SMAD3: variants seen among roughly 807,000 people sequenced by gnomAD.
The protein encoded by SMAD3 is MAD homolog 3.
In SMAD3, 12 loss-of-function variants were observed where a neutral mutation model predicts 51.8. That is an observed-to-expected ratio of 0.23 (90% CI 0.15 to 0.38). The LOEUF (loss-of-function observed/expected upper bound fraction) is 0.38. Ranked by LOEUF, SMAD3 falls within the 10% of genes least tolerant of loss-of-function variation. SMAD3 has a pLI of 1.00. For synonymous variants in SMAD3, 238 were observed against 227.7 expected (o/e 1.05, Z -0.41); for missense variants, 294 against 565.6 (o/e 0.52, Z 4.87).
chr15:67,092,683 G>A (rs1253815600), intron 1 of SMAD3, among the ~76,000 whole-genome samples: 1 of 152,204 alleles, frequency 6.6e-6, no homozygotes, highest in Non-Finnish European at 1.5e-5. Flanking sequence ...GTTTGTCCAG[G>A]GGAATGTGGT....
chr15:67,083,129 G>A (rs1042311433), intron 1 of SMAD3, among the ~76,000 whole-genome samples: 2 of 152,188 alleles, frequency 1.3e-5, no homozygotes, highest in South Asian at 2.1e-4. Flanking sequence ...CAGGTGAGCC[G>A]GGGCATGAAA....
At chr15:67,178,172 G>T (rs1009224971) in intron 5 of SMAD3, among the ~76,000 whole-genome samples, 1 of 152,186 alleles carries the variant, frequency 6.6e-6, no homozygotes, top group African/African-American at 2.4e-5. Context: ...AGGGCCTCTC[G>T]GCCTATGACC....
chr15:67,161,155 G>A (rs1268415329), intron 1 of SMAD3, among the ~76,000 whole-genome samples: 1 of 152,106 alleles, frequency 6.6e-6, no homozygotes, highest in Non-Finnish European at 1.5e-5. Context: ...TACATATCCA[G>A]TTGTTACATC....
At chr15:67,123,526 A>G (rs550281648) in intron 1 of SMAD3, among the ~76,000 whole-genome samples, 2 of 152,290 alleles carry the variant, frequency 1.3e-5, no homozygotes, top group South Asian at 4.1e-4. Flanking sequence ...GAATTCTAAC[A>G]TGTTTGAGAT....
chr15:67,149,898 C>G (rs936322096), intron 1 of SMAD3, among the ~76,000 whole-genome samples: 51 of 152,224 alleles, frequency 3.4e-4, no homozygotes, highest in African/African-American at 1.1e-3. Flanking sequence ...AAAGGTACCT[C>G]TTTACCTCCA....
rs1432832925 is a variant in SMAD3 at position 67,190,683 on chromosome 15, GA to G, written c.*150del. 1.2e-5 allele frequency: 10 copies of G among 801,290 alleles called. No individual in the cohort carries two copies. The highest frequency in any genetic ancestry group is 1.2e-5 in the Non-Finnish European group (6 of 492,608). 49.6% of individuals were successfully genotyped at this position (801,290 alleles called of 1,614,324 possible). ...GAAGGGGTGCACCCACCTGTTTTCT[GA>G]AACACACGAGCAAACCCAGAGGTGG... is the stretch of plus-strand genomic sequence containing the variant. On this transcript the variant is annotated 3_prime_UTR_variant, in exon 9 of 9. Transcript: ENST00000327367.
rs536760251 is a variant in SMAD3, at chr15:67,162,310, A to G, written c.207-2585A>G. ...GAAAGCTTGCAAATGTCTCACTGCC[A>G]GCCCTGCCAGCTATTAGAAAAATTA... On this transcript the variant is annotated intron_variant, in intron 1 of 8. Coordinates refer to ENST00000327367, the MANE Select transcript of SMAD3 (RefSeq NM_005902.4). 2.6e-5 allele frequency among the ~76,000 whole-genome samples: 4 copies of G among 152,326 alleles called. No individual in the cohort carries two copies. The South Asian group carries it at 8.3e-4, about 32-fold the overall frequency.
intron 1 of SMAD3, chr15:67,098,623 T>G (rs1960672784): frequency 1.9e-6 from 1 of 517,828 alleles, no homozygotes; most frequent in African/African-American, 1.9e-5. Context: ...GGCCCAGATC[T>G]GCTTATTTCG....
intron 5 of SMAD3, among the ~76,000 whole-genome samples, chr15:67,177,422 G>GTTGTTTTTTTTT (rs1555413213): frequency 3.2e-5 from 3 of 93,874 alleles, no homozygotes; most frequent in Admixed American, 1.2e-4. Context: ...AGTGTTTTGG[G>GTTGTTTTTTTTT]TTTTTTTTTT....
chr15:67,165,018 G>T lies in SMAD3; in HGVS notation c.330G>T (p.Glu110Asp), dbSNP rs1962539268. Reference protein sequence around the residue: ...HHELRAMELCEFAFNMKKDEV... With the variant: ...HHELRAMELCDFAFNMKKDEV... ...AGCTACGGGCCATGGAGCTGTGTGA[G>T]TTCGCCTTCAATATGAAGAAGGACG... The change falls in exon 2 of 9, where the codon GAG becomes GAT. Residue 110 changes from glutamate (E) to aspartate (D), a missense_variant. Transcript: ENST00000327367. 6.2e-7 allele frequency: 1 copy of T among 1,614,052 alleles called. No homozygotes were observed. The highest frequency in any genetic ancestry group is 1.3e-5 in the African/African-American group (1 of 74,936).
At chr15:67,165,130 G>A (rs1196723645) in intron 2 of SMAD3, 42 bp downstream of exon 2, 4 of 1,611,282 alleles carry the variant, frequency 2.5e-6, no homozygotes, top group Non-Finnish European at 2.5e-6. Context: ...AGGTGCCAGG[G>A]GTCATCACCT....
chr15:67,122,454 A>G (rs544514076), intron 1 of SMAD3, among the ~76,000 whole-genome samples: 4 of 152,222 alleles, frequency 2.6e-5, no homozygotes, highest in African/African-American at 7.2e-5. Context: ...CCCATTTCCT[A>G]TCGGGGGATT....
intron 3 of SMAD3, chr15:67,166,540 A>G (rs1310133629): frequency 1.7e-6 from 1 of 596,948 alleles, no homozygotes; most frequent in Non-Finnish European, 3.0e-6. Context: ...TACACATTTC[A>G]GACTTGGGAG....
At position 67,190,622 on chromosome 15, in the gene SMAD3, T is replaced by C; in HGVS notation, c.*86T>C. On this transcript the variant is annotated 3_prime_UTR_variant, in exon 9 of 9. Transcript: ENST00000327367. ...AAAATTGGAACTCTACTCAACCCATTGTTGTCAAGGAAGAAGAAATCTTTC... is the reference window on the plus strand; with the variant it reads ...AAAATTGGAACTCTACTCAACCCATCGTTGTCAAGGAAGAAGAAATCTTTC... The C allele has an allele frequency of 7.1e-7, 1 of 1,410,158 alleles. No homozygotes were observed. The allele number at this position is 1,410,158 out of a possible 1,614,324, so 87.4% of individuals were successfully genotyped here. A position where few individuals can be genotyped will look rare whatever the true frequency, so the allele number is the denominator to read the frequency against.
intron 1 of SMAD3, among the ~76,000 whole-genome samples, chr15:67,099,976 G>A (rs910615162): frequency 2.6e-5 from 4 of 152,136 alleles, no homozygotes; most frequent in African/African-American, 9.7e-5. Flanking sequence ...GAGGTCAGGA[G>A]TTCAAGACCA....
intron 1 of SMAD3, among the ~76,000 whole-genome samples, chr15:67,078,280 G>A (rs1337190615): frequency 1.3e-5 from 2 of 152,220 alleles, no homozygotes; most frequent in Non-Finnish European, 2.9e-5. Context: ...GTCTACCCAA[G>A]CACAGGCCCC....
intron 1 of SMAD3, among the ~76,000 whole-genome samples, chr15:67,149,752 C>T (rs983368738): frequency 6.6e-6 from 1 of 152,058 alleles, no homozygotes; most frequent in Admixed American, 6.5e-5. Context: ...CCAGAATATA[C>T]AGGGCACCCA....
At chr15:67,164,840 G>C in intron 1 of SMAD3, 55 bp from the exon 2 acceptor site, 1 of 1,586,956 alleles carries the variant, frequency 6.3e-7, no homozygotes, top group South Asian at 1.1e-5. Flanking sequence ...GGACTCTGCA[G>C]AAAGCAAGCA....
intron 1 of SMAD3, among the ~76,000 whole-genome samples, chr15:67,113,064 A>G (rs1961052011): frequency 2.0e-5 from 1 of 50,526 alleles, no homozygotes; most frequent in African/African-American, 7.4e-5. Context: ...CTTTTAAAAT[A>G]TATATATATG....
Sources: allele counts gnomAD v4.1 joint callset (sites outside exome capture counted in the v4.1 genomes callset), GRCh38; gene constraint gnomAD v4.1.1; transcripts MANE v1.5; gene names NCBI Gene and HGNC (gene_info 2026-07-23, HGNC 2026-07-21).